Variants in ERI1 observed in about 807,000 individuals in gnomAD.
ERI1 encodes exoribonuclease 1.
In ERI1, 39 loss-of-function variants were observed where a neutral mutation model predicts 39.7. That is an observed-to-expected ratio of 0.98 (90% confidence interval 0.76 to 1.28). ERI1 has a LOEUF of 1.28. ERI1 is among the 50% of genes most tolerant of loss of function. The pLI is 0.00. For missense variants in ERI1, 581 were observed against 416.9 expected, an observed-to-expected ratio of 1.39 and a Z score of -3.43; for synonymous variants, 204 against 149.6, an observed-to-expected ratio of 1.36 and a Z score of -2.65.
rs1585240030 is a variant in ERI1 at position 9,031,498 on chromosome 8, C to G, written c.*1464C>G. 1.3e-5 allele frequency: 2 copies of G among 152,144 alleles called. No homozygotes were observed. The highest frequency in any genetic ancestry group is 4.1e-4 in the South Asian group (2 of 4,822). 9.4% of individuals were successfully genotyped at this position (152,144 alleles called of 1,614,324 possible). ...GTGCTTTAAGTTTATACAGTTAACT[C>G]TTAGGATAAGAGGGATGTATGCTGA... is the stretch of plus-strand genomic sequence containing the variant. On this transcript the variant is annotated 3_prime_UTR_variant, in exon 7 of 7. Transcript: ENST00000250263.
chr8:9,071,937 G>A (rs1023225832), intron 3 of ERI1, among the ~76,000 whole-genome samples: 6 of 152,134 alleles, frequency 3.9e-5, no homozygotes, highest in East Asian at 3.9e-4. Flanking sequence ...GTGGTGGTGC[G>A]TGCCTGTAGT....
chr8:9,037,409 A>G (rs1047174834), downstream of ERI1, among the ~76,000 whole-genome samples: 1 of 152,004 alleles, frequency 6.6e-6, no homozygotes, highest in Non-Finnish European at 1.5e-5. Context: ...ACCTTTGGCA[A>G]CAACTCCCTC....
rs1430085713 is a variant in ERI1, at chr8:9,031,876, G to A, written c.*1842G>A. ...GGGCTCAGGTGATCCTCTTGCCTCAGCCTCCTGAGTAGCTCAGATTACAGG... is the reference window on the plus strand; with the variant it reads ...GGGCTCAGGTGATCCTCTTGCCTCAACCTCCTGAGTAGCTCAGATTACAGG... On this transcript the variant is annotated 3_prime_UTR_variant, in exon 7 of 7. Transcript: ENST00000250263. The A allele has an allele frequency of 3.9e-5, 6 of 152,240 alleles. No individual in the cohort carries two copies. Among genetic ancestry groups the A allele is most frequent in the Non-Finnish European group, 8.8e-5 (6 of 68,088 alleles). The allele number at this position is 152,240 out of a possible 1,614,324, so 9.4% of individuals were successfully genotyped here.
intron 1 of ERI1, among the ~76,000 whole-genome samples, chr8:9,003,408 G>A (rs945820515): frequency 6.6e-6 from 1 of 152,248 alleles, no homozygotes; most frequent in African/African-American, 2.4e-5. Context: ...TCTGTCTACA[G>A]TGGGTTAACA....
intron 3 of ERI1, among the ~76,000 whole-genome samples, chr8:9,090,951 C>G (rs913806257): frequency 6.6e-6 from 1 of 152,056 alleles, no homozygotes; most frequent in African/African-American, 2.4e-5. Flanking sequence ...ATATTACTTT[C>G]TAATACTTAG....
At chr8:9,012,550 C>T (rs1008314778) in intron 3 of ERI1, among the ~76,000 whole-genome samples, 2 of 152,088 alleles carry the variant, frequency 1.3e-5, no homozygotes, top group Non-Finnish European at 1.5e-5. Context: ...ATAGTCTTAG[C>T]CTATTTCTAT....
rs80139334 is a variant in ERI1, at chr8:9,026,083, A to G, written c.808-3709A>G. 9.0e-4 allele frequency among the ~76,000 whole-genome samples: 137 copies of G among 152,300 alleles called. 1 individual carries two copies. The highest frequency in any genetic ancestry group is 8.5e-3 in the East Asian group (44 of 5,186). On this transcript the variant is annotated intron_variant, in intron 6 of 6. Transcript: ENST00000250263. ...CAATAGCTTTCTTAGTTACACATAA[A>G]TTAAGCATGTGTCATGTACCTGTGT...
intron 2 of ERI1, chr8:9,008,908 T>A (rs1816349185): frequency 4.7e-6 from 2 of 423,670 alleles, no homozygotes; most frequent in Admixed American, 5.4e-5. Flanking sequence ...ATAGTAGTAT[T>A]CTTCCTCTTT....
chr8:9,033,940 T>C (rs888120303), downstream of ERI1, among the ~76,000 whole-genome samples: 14 of 152,392 alleles, frequency 9.2e-5, no homozygotes, highest in African/African-American at 3.4e-4. Context: ...GTTCATTCTT[T>C]GAATGAAACA....
intron 3 of ERI1, among the ~76,000 whole-genome samples, chr8:9,078,382 C>A (rs1462616118): frequency 6.6e-6 from 1 of 151,952 alleles, no homozygotes; most frequent in Non-Finnish European, 1.5e-5. Context: ...TATTACCTCC[C>A]TGGGAGAGTA....
intron 3 of ERI1, among the ~76,000 whole-genome samples, chr8:9,078,991 A>T (rs1799290935): frequency 6.6e-6 from 1 of 152,184 alleles, no homozygotes. Context: ...TGGCAAGATT[A>T]TGAGCTCTAA....
rs3989371 is a variant in ERI1, at chr8:9,049,336, C to CAAAAAAAAAAAAAAAAAAAAA, written n.299+28881_299+28901dup. 8.7e-4 allele frequency among the ~76,000 whole-genome samples: 29 copies of CAAAAAAAAAAAAAAAAAAAAA among 33,246 alleles called. 1 individual carries two copies. The highest frequency in any genetic ancestry group is 2.2e-3 in the South Asian group (1 of 464). The allele number at this position is 33,246 out of a possible 152,430, so 21.8% of individuals were successfully genotyped here. A position where few individuals can be genotyped will look rare whatever the true frequency, so the allele number is the denominator to read the frequency against. ...GGGCGACAGAGTGAGACTCCGTCTC[C>CAAAAAAAAAAAAAAAAAAAAA]AAAAAAAAAAAAAAAAAAAAAAAAA... On this transcript the variant is annotated intron_variant and non_coding_transcript_variant, in intron 3 of 3. Coordinates refer to the ERI1 transcript ENST00000518663.
At chr8:9,082,825 A>T (rs34968542) in intron 3 of ERI1, among the ~76,000 whole-genome samples, 58,970 of 151,712 alleles carry the variant, frequency 0.39, 12,617 homozygotes, top group African/African-American at 0.56. Flanking sequence ...GAGTCATAAT[A>T]GCAAGAGTCC....
chr8:9,011,837 T>C (rs112981251), intron 3 of ERI1, 85 bp downstream of exon 3: 10,666 of 1,003,596 alleles, frequency 0.011, 311 homozygotes, highest in South Asian at 0.081. Context: ...TCATTTGCTT[T>C]TTAGCCAGAA....
At chr8:9,012,424 A>C (rs1318829948) in intron 3 of ERI1, among the ~76,000 whole-genome samples, 1 of 152,258 alleles carries the variant, frequency 6.6e-6, no homozygotes, top group Non-Finnish European at 1.5e-5. Flanking sequence ...TCAACTTTCC[A>C]AAAGTCACTT....
intron 2 of ERI1, among the ~76,000 whole-genome samples, chr8:9,011,218 G>A (rs1006071337): frequency 6.6e-6 from 1 of 152,020 alleles, no homozygotes; most frequent in Non-Finnish European, 1.5e-5. Context: ...TAGTATATAA[G>A]GCAGTATGAC....
intron 3 of ERI1, among the ~76,000 whole-genome samples, chr8:9,012,541 T>C (rs1053736431): frequency 6.6e-6 from 1 of 152,242 alleles, no homozygotes; most frequent in Admixed American, 6.5e-5. Flanking sequence ...CTTTTAGTTA[T>C]AGTCTTAGCC....
At chr8:9,011,411 CATTT>C (rs1486866943) in intron 2 of ERI1, 127 bp from the exon 3 acceptor site, 1 of 501,150 alleles carries the variant, frequency 2.0e-6, no homozygotes, top group Admixed American at 3.6e-5. Context: ...GCTTTTCTTA[CATTT>C]ATTTTAGCTA....
chr8:9,091,587 T>A (rs959273816), intron 3 of ERI1: 1 of 152,206 alleles, frequency 6.6e-6, no homozygotes, highest in Non-Finnish European at 1.5e-5. Flanking sequence ...TGCATTTCAA[T>A]GTCAAACACA....
Sources: gnomAD v4.1 joint callset for allele counts (sites outside exome capture counted in the v4.1 genomes callset) on GRCh38, gnomAD v4.1.1 for gene constraint, MANE v1.5 for transcripts, NCBI Gene and HGNC (gene_info 2026-07-23, HGNC 2026-07-21) for gene names.